Variants in GRM7 observed in about 807,000 individuals in gnomAD.
GRM7 encodes metabotropic glutamate receptor 7.
GRM7 carries 35 observed loss-of-function variants against 84.5 expected under a neutral mutation model. The ratio of observed to expected loss-of-function variants is 0.41; its 90% CI spans 0.32 to 0.55. The LOEUF (loss-of-function observed/expected upper bound fraction) is 0.55, where lower values mean the gene tolerates loss of function less well. Ranked by LOEUF, GRM7 falls within the 20% of genes least tolerant of loss-of-function variation. GRM7 has a pLI of 0.19. For missense variants in GRM7, 1,003 were observed against 1,194.6 expected (o/e 0.84, Z 2.36); for synonymous variants, 487 against 455.1 (o/e 1.07, Z -0.89).
chr3:7,408,996 T>G (rs1213137357), intron 4 of GRM7, among the ~76,000 whole-genome samples: 1 of 152,232 alleles, frequency 6.6e-6, no homozygotes, highest in Non-Finnish European at 1.5e-5. Context: ...ACTACCTTTA[T>G]TCTCCACTAC....
At chr3:7,124,338 G>C (rs1449776084) in intron 1 of GRM7, among the ~76,000 whole-genome samples, 1 of 152,104 alleles carries the variant, frequency 6.6e-6, no homozygotes, top group Admixed American at 6.5e-5. Context: ...ACAGAGTAGA[G>C]CTACTAAAAA....
chr3:7,518,063 G>A (rs1023922619), intron 7 of GRM7, among the ~76,000 whole-genome samples: 1 of 152,120 alleles, frequency 6.6e-6, no homozygotes, highest in African/African-American at 2.4e-5. Context: ...TATCCACTAC[G>A]GTGAGGATAA....
intron 4 of GRM7, among the ~76,000 whole-genome samples, chr3:7,385,760 C>G (rs1694762829): frequency 6.6e-6 from 1 of 152,144 alleles, no homozygotes; most frequent in African/African-American, 2.4e-5. Context: ...CATTGCAAGA[C>G]ATGAATAAAG....
chr3:7,040,286 C>T (rs1313038057), intron 1 of GRM7, among the ~76,000 whole-genome samples: 2 of 151,654 alleles, frequency 1.3e-5, no homozygotes, highest in Admixed American at 1.3e-4. Context: ...CATGATTAGA[C>T]CCTTGTCTGT....
intron 4 of GRM7, among the ~76,000 whole-genome samples, chr3:7,311,872 G>A (rs1233563536): frequency 6.6e-6 from 1 of 152,126 alleles, no homozygotes; most frequent in Admixed American, 6.5e-5. Context: ...TAGGATTACA[G>A]GCATAAGCCA....
chr3:7,261,805 CA>C (rs1398733949), intron 2 of GRM7, among the ~76,000 whole-genome samples: 1 of 152,034 alleles, frequency 6.6e-6, no homozygotes, highest in Non-Finnish European at 1.5e-5. Flanking sequence ...ATTCCCTCAG[CA>C]TTTGCTTGTA....
intron 2 of GRM7, among the ~76,000 whole-genome samples, chr3:7,294,325 A>T (rs982863145): frequency 3.8e-4 from 58 of 152,152 alleles, no homozygotes; most frequent in African/African-American, 1.4e-3. Context: ...GTTGCTGAGA[A>T]GATGGTAAAG....
intron 2 of GRM7, among the ~76,000 whole-genome samples, chr3:7,248,415 AG>A (rs1697855186): frequency 6.6e-6 from 1 of 152,160 alleles, no homozygotes; most frequent in Non-Finnish European, 1.5e-5. Context: ...GAGCAGCTGA[AG>A]CTAATATGTA....
At chr3:6,921,222 T>C (rs1210719793) in intron 1 of GRM7, among the ~76,000 whole-genome samples, 1 of 152,106 alleles carries the variant, frequency 6.6e-6, no homozygotes, top group African/African-American at 2.4e-5. Context: ...GCATGCCCAA[T>C]GTGAAAAGTT....
chr3:7,453,973 G>A (rs1334903120), intron 6 of GRM7, among the ~76,000 whole-genome samples: 1 of 152,028 alleles, frequency 6.6e-6, no homozygotes, highest in East Asian at 1.9e-4. Flanking sequence ...CTGGTAAAAG[G>A]AGGGCAGGGT....
intron 8 of GRM7, among the ~76,000 whole-genome samples, chr3:7,644,928 C>T (rs969637714): frequency 2.6e-5 from 4 of 152,106 alleles, no homozygotes; most frequent in Non-Finnish European, 4.4e-5. Flanking sequence ...TGCCCATCAG[C>T]CTCCTGGCTG....
intron 1 of GRM7, among the ~76,000 whole-genome samples, chr3:6,980,760 G>A (rs931817310): frequency 6.6e-6 from 1 of 152,206 alleles, no homozygotes; most frequent in African/African-American, 2.4e-5. Flanking sequence ...TGGAACTTGA[G>A]TGAGCTTCCC....
intron 1 of GRM7, among the ~76,000 whole-genome samples, chr3:7,070,757 C>T (rs1697847370): frequency 6.6e-6 from 1 of 151,916 alleles, no homozygotes; most frequent in Non-Finnish European, 1.5e-5. Flanking sequence ...TGTGACAATG[C>T]AAGTTGAAAT....
chr3:7,048,625 G>T (rs757923722), intron 1 of GRM7, among the ~76,000 whole-genome samples: 1 of 151,644 alleles, frequency 6.6e-6, no homozygotes, highest in Non-Finnish European at 1.5e-5. Flanking sequence ...TATTTATATT[G>T]TACAACATAA....
intron 4 of GRM7, among the ~76,000 whole-genome samples, chr3:7,383,017 A>G (rs1043052537): frequency 1.3e-5 from 2 of 152,108 alleles, no homozygotes; most frequent in Admixed American, 6.6e-5. Flanking sequence ...ATGTGTTTGT[A>G]TTGATTTTTC....
chr3:7,099,310 AT>A (rs1698977255), intron 1 of GRM7, among the ~76,000 whole-genome samples: 2 of 148,054 alleles, frequency 1.4e-5, no homozygotes. Flanking sequence ...GTACACATGT[AT>A]TATACATGTA....
intron 1 of GRM7, among the ~76,000 whole-genome samples, chr3:6,939,873 G>A (rs1302941988): frequency 6.6e-6 from 1 of 151,930 alleles, no homozygotes; most frequent in Non-Finnish European, 1.5e-5. Flanking sequence ...CATATTCTAG[G>A]CTACTACTGC....
chr3:7,506,902 G>A (rs1275550804), intron 7 of GRM7, among the ~76,000 whole-genome samples: 1 of 152,058 alleles, frequency 6.6e-6, no homozygotes, highest in African/African-American at 2.4e-5. Context: ...TGAGCTTTTG[G>A]GGGAAACATT....
intron 1 of GRM7, among the ~76,000 whole-genome samples, chr3:6,970,796 G>T (rs1575081869): frequency 6.6e-6 from 1 of 152,120 alleles, no homozygotes; most frequent in Non-Finnish European, 1.5e-5. Flanking sequence ...TGGCTAACAC[G>T]GTGAAACCCC....
Sources: gnomAD v4.1 joint callset for allele counts (sites outside exome capture counted in the v4.1 genomes callset) on GRCh38, gnomAD v4.1.1 for gene constraint, MANE v1.5 for transcripts, NCBI Gene and HGNC (gene_info 2026-07-23, HGNC 2026-07-21) for gene names.